CALCA: variants seen among roughly 807,000 people sequenced by gnomAD.
CALCA encodes the protein calcitonin.
A neutral mutation model predicts 6.9 loss-of-function variants in CALCA; 4 were observed. That is an observed-to-expected ratio of 0.58 (90% CI 0.29 to 1.33). The LOEUF (loss-of-function observed/expected upper bound fraction) is 1.33. Ranked by LOEUF, CALCA falls within the 40% of genes most tolerant of loss-of-function variation. The probability of loss-of-function intolerance (pLI) is 0.09; values close to 1 mark genes in which losing one functional copy is unlikely to be tolerated. For missense variants in CALCA, 174 were observed against 178.3 expected (o/e 0.98, Z 0.14); for synonymous variants, 78 against 70.0 (o/e 1.11, Z -0.57).
chr11:14,969,020 A>G, intron 3 of CALCA, 23 bp from the exon 4 acceptor site: 1 of 1,607,342 alleles, frequency 6.2e-7, no homozygotes, highest in Non-Finnish European at 8.5e-7. Context: ...CACATACCAG[A>G]CAGTACCATG....
intron 2 of CALCA, among the ~76,000 whole-genome samples, chr11:14,970,438 G>A (rs1555026257): frequency 6.6e-6 from 1 of 152,166 alleles, no homozygotes; most frequent in Non-Finnish European, 1.5e-5. Flanking sequence ...AGATCAACAG[G>A]TAAAATACCA....
At chr11:14,968,323 T>G, downstream of CALCA, 1 of 487,362 alleles carries the variant, frequency 2.1e-6, no homozygotes, top group African/African-American at 2.0e-5. Flanking sequence ...CATCAAGTCC[T>G]AGAGGTGCTT....
chr11:14,970,784 C>T (rs35212698), intron 2 of CALCA, among the ~76,000 whole-genome samples: 3,463 of 151,964 alleles, frequency 0.023, 71 homozygotes, highest in East Asian at 0.076. Context: ...CCTGTAATCC[C>T]GGCTACTTGG....
chr11:14,969,963 C>G lies in CALCA; in HGVS notation c.199G>C (p.Glu67Gln). 2 of 1,613,668 alleles carry G rather than the reference C, an allele frequency of 1.2e-6. No homozygotes were observed. Among genetic ancestry groups the G allele is most frequent in the Non-Finnish European group, 1.7e-6 (2 of 1,180,040 alleles). Residue 67 changes from glutamate (E) to glutamine (Q), a missense_variant, in exon 3 of 4, where the codon GAG (glutamate) becomes CAG (glutamine). Transcript: ENST00000331587. ...GAGCCCTCTCTCTCTTGCTCCTGCT[C>G]CAGCTCACTGGCCTTCATCTGCACA... Reference protein sequence around the residue: ...DYVQMKASELEQEQEREGSSL... With the variant: ...DYVQMKASELQQEQEREGSSL...
chr11:14,970,729 A>G (rs1405691133), intron 2 of CALCA, among the ~76,000 whole-genome samples: 1 of 151,862 alleles, frequency 6.6e-6, no homozygotes, highest in Non-Finnish European at 1.5e-5. Context: ...GTGAAACCCT[A>G]TCTCTACTAA....
chr11:14,971,098 C>G lies in CALCA; in HGVS notation c.86+9G>C, dbSNP rs1474494228. Reference sequence around the variant, plus strand: ...ATACCAGTGTGGTTCTGGCTTCAGGCTGTCTTACCTGAATGGTGCTGCATG... The same window carrying G: ...ATACCAGTGTGGTTCTGGCTTCAGGGTGTCTTACCTGAATGGTGCTGCATG... On this transcript the variant is annotated intron_variant, in intron 2 of 3. Transcript: ENST00000331587. The G allele has an allele frequency of 2.5e-6, 4 of 1,611,362 alleles. No homozygotes were observed. The highest frequency in any genetic ancestry group is 3.4e-6 in the Non-Finnish European group (4 of 1,177,564).
rs781812853 is a variant in CALCA, at chr11:14,968,828, G to A, written c.397C>T (p.His133Tyr). ...SSDLERDHRP[H>Y]VSMPQNAN ...TTGGCATTCTGGGGCATGCTAACAT[G>A]AGGGCGATGGTCTCTCTCCAAGTCG... is the stretch of plus-strand genomic sequence containing the variant. The change falls in exon 4 of 4, where the codon CAT (histidine) becomes TAT (tyrosine). Residue 133 changes from histidine (H) to tyrosine (Y), a missense_variant. Physicochemically the swap from His to Tyr is moderately conservative, Grantham distance 83. Transcript: ENST00000331587. 2 of 1,614,220 alleles carry A rather than the reference G, an allele frequency of 1.2e-6. No homozygotes were observed. Among genetic ancestry groups the A allele is most frequent in the Non-Finnish European group, 1.7e-6 (2 of 1,180,036 alleles).
chr11:14,968,444 T>C, downstream of CALCA: 4 of 1,209,162 alleles, frequency 3.3e-6, no homozygotes, highest in Non-Finnish European at 4.2e-6. Flanking sequence ...AGCATAGGTC[T>C]TAGACACTAT....
downstream of CALCA, chr11:14,967,949 C>G: frequency 5.0e-6 from 7 of 1,396,376 alleles, no homozygotes; most frequent in Non-Finnish European, 6.1e-6. Flanking sequence ...AGTTGCTGTG[C>G]TGAAAGGCAC....
chr11:14,968,464 G>A, downstream of CALCA: 1 of 1,224,952 alleles, frequency 8.2e-7, no homozygotes, highest in Non-Finnish European at 1.0e-6. Context: ...TGAAGCCTGG[G>A]ACATAGATCA....
chr11:14,971,081 G>A (rs372576133), intron 2 of CALCA, 26 bp downstream of exon 2: 1 of 1,588,932 alleles, frequency 6.3e-7, no homozygotes, highest in African/African-American at 1.3e-5. Flanking sequence ...TGATACCAGT[G>A]TGGTTCTGGC....
At position 14,970,085 on chromosome 11, in the gene CALCA, G is replaced by T; in HGVS notation, c.87-10C>A. Reference sequence around the variant, plus strand: ...GCTCTCCAGGGCAGACCTGTGGAGGGGAAGCAAACTCAGTGCAGGCTGTGA... The same window carrying T: ...GCTCTCCAGGGCAGACCTGTGGAGGTGAAGCAAACTCAGTGCAGGCTGTGA... On this transcript the variant is annotated splice_polypyrimidine_tract_variant and intron_variant, in intron 2 of 3. Transcript: ENST00000331587. 1.1e-5 allele frequency: 18 copies of T among 1,614,158 alleles called. No homozygotes were observed. Among genetic ancestry groups the T allele is most frequent in the Non-Finnish European group, 1.4e-5 (16 of 1,180,006 alleles).
downstream of CALCA, chr11:14,968,440 G>C: frequency 1.7e-6 from 2 of 1,198,370 alleles, no homozygotes; most frequent in Non-Finnish European, 2.1e-6. Flanking sequence ...TCTAAGCATA[G>C]GTCTTAGACA....
Position 14,969,005 on chromosome 11 carries a change from GA to G in CALCA, c.228-9del. 6.2e-7 allele frequency: 1 copy of G among 1,612,352 alleles called. No individual in the cohort carries two copies. The highest frequency in any genetic ancestry group is 8.5e-7 in the Non-Finnish European group (1 of 1,179,352). On this transcript the variant is annotated splice_polypyrimidine_tract_variant and intron_variant, in intron 3 of 3. Transcript: ENST00000331587. ...GATCTGGGGCTGTCCAGGCTGCAGG[GA>G]AAACACATACCAGACAGTACCATGC...
At chr11:14,970,990 T>C (rs1849588951) in intron 2 of CALCA, 117 bp downstream of exon 2, 12 of 778,604 alleles carry the variant, frequency 1.5e-5, no homozygotes, top group Non-Finnish European at 2.3e-5. Context: ...ATTATATATG[T>C]GCATGAGTAC....
downstream of CALCA, chr11:14,968,302 G>A (rs1197416070): frequency 2.9e-5 from 11 of 376,598 alleles, no homozygotes; most frequent in East Asian, 1.6e-4. Flanking sequence ...GAAGAGGAGC[G>A]GAGTTTGCAG....
chr11:14,969,409 A>C (rs1456138070), intron 3 of CALCA, among the ~76,000 whole-genome samples: 1 of 152,098 alleles, frequency 6.6e-6, no homozygotes. Flanking sequence ...ATCTCCACAG[A>C]TGCCACACAT....
intron 1 of CALCA, 57 bp from the exon 2 acceptor site, chr11:14,971,258 C>T: frequency 9.5e-7 from 1 of 1,050,164 alleles, no homozygotes; most frequent in Non-Finnish European, 1.5e-6. Context: ...TAGGAGCCCA[C>T]AGACCTTGGC....
Position 14,969,942 on chromosome 11 carries a change from C to T in CALCA, c.220G>A (p.Gly74Ser). Reference protein sequence around the residue: ...SELEQEQEREGSSLDSPRSKR... With the variant: ...SELEQEQERESSSLDSPRSKR... Reference sequence around the variant, plus strand: ...GCGCTTGGGGAGCCTCACCTGGAGCCCTCTCTCTCTTGCTCCTGCTCCAGC... The same window carrying T: ...GCGCTTGGGGAGCCTCACCTGGAGCTCTCTCTCTCTTGCTCCTGCTCCAGC... Residue 74 changes from glycine to serine, a missense_variant, in exon 3 of 4, where the codon GGC becomes AGC. Gly to Ser is a moderately conservative substitution (Grantham distance 56). Coordinates refer to ENST00000331587, the MANE Select transcript of CALCA (RefSeq NM_001741.3). The T allele has an allele frequency of 6.2e-7, 1 of 1,612,864 alleles. No individual in the cohort carries two copies. The highest frequency in any genetic ancestry group is 8.5e-7 in the Non-Finnish European group (1 of 1,179,986).
Sources: gnomAD v4.1 joint callset for allele counts (sites outside exome capture counted in the v4.1 genomes callset) on GRCh38, gnomAD v4.1.1 for gene constraint, MANE v1.5 for transcripts, NCBI Gene and HGNC (gene_info 2026-07-23, HGNC 2026-07-21) for gene names.